INSL6: variants seen among roughly 807,000 people sequenced by gnomAD.
INSL6 encodes the protein insulin-like peptide INSL6.
Under a neutral mutation model 9.4 loss-of-function variants are expected in INSL6, and 16 were observed. The observed-to-expected ratio is 1.70, with a 90% CI of 1.15 to 2.59. The LOEUF (loss-of-function observed/expected upper bound fraction) is 2.59, where lower values mean the gene tolerates loss of function less well. Among genes scored for constraint, INSL6 ranks in the 30% most tolerant of loss-of-function variants. The pLI is 0.00. For synonymous variants in INSL6, 154 were observed against 96.9 expected (o/e 1.59, Z -3.46); for missense variants, 391 against 257.3 (o/e 1.52, Z -3.56).
rs540224440 is a variant in INSL6 at position 5,166,749 on chromosome 9, C to A, written c.290-2484G>T. ...AAAAACAGTAAATTCTAATAATATA[C>A]AAGTTGTTCCAGAAAACGAGCAAAA... is the stretch of plus-strand genomic sequence containing the variant. On this transcript the variant is annotated intron_variant, in intron 1 of 1. Coordinates refer to ENST00000381641, the MANE Select transcript of INSL6 (RefSeq NM_007179.3). 1.1e-4 allele frequency among the ~76,000 whole-genome samples: 16 copies of A among 152,192 alleles called. No homozygotes were observed. The South Asian group carries it at 2.9e-3, about 28-fold the overall frequency.
chr9:5,016,622 A>C, the INSL6 span, among the ~76,000 whole-genome samples: 1 of 152,216 alleles, frequency 6.6e-6, no homozygotes, highest in African/African-American at 2.4e-5. Context: ...CAGCTTAACA[A>C]ATTTTCATAA....
the INSL6 span, chr9:5,029,990 T>A: frequency 2.2e-5 from 27 of 1,209,208 alleles, no homozygotes; most frequent in African/African-American, 4.2e-4. Context: ...TGCAAGGTAC[T>A]TAATACCAGA....
chr9:5,054,080 C>G, the INSL6 span, among the ~76,000 whole-genome samples: 2 of 151,900 alleles, frequency 1.3e-5, no homozygotes, highest in African/African-American at 4.8e-5. The surrounding 1 kb of genome is among the most constrained non-coding windows in gnomAD (Gnocchi z 4.9). Flanking sequence ...GCTGGCCTAA[C>G]AAAATAATAT....
chr9:5,156,540 A>G (rs1196375415), intron 2 of INSL6, among the ~76,000 whole-genome samples: 2 of 152,192 alleles, frequency 1.3e-5, no homozygotes, highest in Non-Finnish European at 2.9e-5. Flanking sequence ...CCTACTCATG[A>G]TTAAAAAAAA....
At chr9:5,057,118 T>C in the INSL6 span, among the ~76,000 whole-genome samples, 3 of 152,260 alleles carry the variant, frequency 2.0e-5, no homozygotes, top group East Asian at 5.8e-4. Flanking sequence ...ACAAGTATTA[T>C]TTTATGTTTT....
At chr9:5,041,025 T>C in the INSL6 span, 6 of 667,754 alleles carry the variant, frequency 9.0e-6, no homozygotes, top group Non-Finnish European at 1.4e-5. Context: ...TGCACCTGGG[T>C]ACCGGTTCTA....
chr9:5,004,783 C>A, the INSL6 span, among the ~76,000 whole-genome samples: 1 of 152,088 alleles, frequency 6.6e-6, no homozygotes, highest in Non-Finnish European at 1.5e-5. Flanking sequence ...ACACACTCAC[C>A]AATGCTTGTT....
chr9:5,055,749 C>G, the INSL6 span: 3 of 1,610,326 alleles, frequency 1.9e-6, no homozygotes, highest in Non-Finnish European at 2.5e-6. Context: ...CAAATGAAAG[C>G]CGAGTTGTAA....
chr9:5,101,458 T>C, the INSL6 span, among the ~76,000 whole-genome samples: 1 of 152,240 alleles, frequency 6.6e-6, no homozygotes, highest in Non-Finnish European at 1.5e-5. Context: ...GGGCAGGGCA[T>C]AGCTGAAAAG....
chr9:5,150,063 G>C (rs1283339195), intron 2 of INSL6, among the ~76,000 whole-genome samples: 1 of 152,142 alleles, frequency 6.6e-6, no homozygotes, highest in Non-Finnish European at 1.5e-5. Context: ...AATCAATCTG[G>C]ACTCATCTCT....
At chr9:5,070,171 T>A in the INSL6 span, 1 of 601,386 alleles carries the variant, frequency 1.7e-6, no homozygotes, top group Non-Finnish European at 2.5e-6. Context: ...AGTTGTGATT[T>A]AAATATTTTT....
chr9:5,120,519 G>C (rs564984783), downstream of INSL6, among the ~76,000 whole-genome samples: 9 of 152,096 alleles, frequency 5.9e-5, no homozygotes, highest in Non-Finnish European at 1.2e-4. Context: ...TAACAATATG[G>C]TTGACGGTAA....
At chr9:5,042,124 CTTTT>C in the INSL6 span, among the ~76,000 whole-genome samples, 81 of 107,590 alleles carry the variant, frequency 7.5e-4, no homozygotes, top group Middle Eastern at 7.6e-3. Flanking sequence ...GCCAAAATTT[CTTTT>C]TTTTTTTTTT....
At chr9:5,032,721 A>G in the INSL6 span, among the ~76,000 whole-genome samples, 3 of 152,206 alleles carry the variant, frequency 2.0e-5, no homozygotes, top group African/African-American at 7.2e-5. Context: ...AACAGAAATG[A>G]CATCCACACC....
chr9:5,050,638 GATA>G, the INSL6 span: 1 of 1,539,632 alleles, frequency 6.5e-7, no homozygotes, highest in Non-Finnish European at 8.9e-7. Context: ...ATTAAAACAT[GATA>G]ATGAAACTTA....
downstream of INSL6, among the ~76,000 whole-genome samples, chr9:5,119,140 G>T (rs932141443): frequency 3.3e-5 from 5 of 152,112 alleles, no homozygotes; most frequent in African/African-American, 1.2e-4. Flanking sequence ...TAGATTTTGT[G>T]AAGAATGTCC....
the INSL6 span, among the ~76,000 whole-genome samples, chr9:5,045,270 G>C: frequency 6.6e-6 from 1 of 152,118 alleles, no homozygotes; most frequent in Non-Finnish European, 1.5e-5. Context: ...TGCTAATATT[G>C]TAGGAAACAA....
intron 1 of INSL6, among the ~76,000 whole-genome samples, chr9:5,184,273 C>CT (rs1825518910): frequency 6.6e-6 from 1 of 152,158 alleles, no homozygotes; most frequent in African/African-American, 2.4e-5. Context: ...GAAATCTTCA[C>CT]TTTTACAAGA....
At chr9:5,098,939 C>T in the INSL6 span, 1 of 152,104 alleles carries the variant, frequency 6.6e-6, no homozygotes, top group African/African-American at 2.4e-5. Flanking sequence ...TGTGTTCCAC[C>T]CACTTCAGCC....
Sources: allele counts gnomAD v4.1 joint callset (sites outside exome capture counted in the v4.1 genomes callset), GRCh38; gene constraint gnomAD v4.1.1; non-coding constraint Gnocchi (gnomAD v3.1); transcripts MANE v1.5; gene names NCBI Gene and HGNC (gene_info 2026-07-23, HGNC 2026-07-21).